PEBP4: variants seen among roughly 807,000 people sequenced by gnomAD.
PEBP4 encodes the protein phosphatidylethanolamine binding protein 4, also known as phosphatidylethanolamine-binding protein 4.
In PEBP4, 22 loss-of-function variants were observed where a neutral mutation model predicts 23.9. The observed-to-expected ratio is 0.92, with a 90% CI of 0.66 to 1.31. The LOEUF is 1.31. Among genes scored for constraint, PEBP4 ranks in the 40% most tolerant of loss-of-function variants. PEBP4 has a pLI of 0.00. For synonymous variants in PEBP4, 112 were observed against 99.3 expected (o/e 1.13, Z -0.76); for missense variants, 324 against 281.7 (o/e 1.15, Z -1.07).
chr8:22,729,048 C>T (rs1336632407), intron 4 of PEBP4, among the ~76,000 whole-genome samples: 1 of 152,230 alleles, frequency 6.6e-6, no homozygotes, highest in African/African-American at 2.4e-5. Context: ...AGTCCCCCAA[C>T]TCCCCGCATT....
chr8:22,808,950 C>T (rs1299594493), intron 4 of PEBP4, among the ~76,000 whole-genome samples: 1 of 152,212 alleles, frequency 6.6e-6, no homozygotes, highest in East Asian at 1.9e-4. Context: ...CTGATGCCCA[C>T]TGGTGGCTTC....
Position 22,713,256 on chromosome 8 carries a change from G to T in PEBP4, c.*114C>A. On this transcript the variant is annotated 3_prime_UTR_variant, in exon 7 of 7. Transcript: ENST00000256404. ...CTAGGATACAAAGCACCAAGCCCTGGATGATTTTTTTTTTATTTGGAAAAG... is the reference window on the plus strand; with the variant it reads ...CTAGGATACAAAGCACCAAGCCCTGTATGATTTTTTTTTTATTTGGAAAAG... 7.1e-7 allele frequency: 1 copy of T among 1,415,436 alleles called. No individual in the cohort carries two copies. 87.7% of individuals were successfully genotyped at this position (1,415,436 alleles called of 1,614,324 possible).
At chr8:22,795,178 T>A (rs1191278541) in intron 4 of PEBP4, among the ~76,000 whole-genome samples, 20,228 of 84,226 alleles carry the variant, frequency 0.24, 2,589 homozygotes, top group Non-Finnish European at 0.3. Context: ...TTTTTTTTTT[T>A]TTTTTTTTTT....
chr8:22,839,333 T>A (rs948809328), intron 3 of PEBP4, among the ~76,000 whole-genome samples: 1 of 151,968 alleles, frequency 6.6e-6, no homozygotes, highest in African/African-American at 2.4e-5. Context: ...AGGCAGGGGC[T>A]TTGGGGGTGG....
Position 22,813,725 on chromosome 8 carries a change from C to T in PEBP4, c.357+3912G>A, listed in dbSNP as rs541245360. On this transcript the variant is annotated intron_variant, in intron 4 of 6. Transcript: ENST00000256404. The stretch of plus-strand genomic sequence containing the variant: ...TATCTGTCAATGCTCAGTTAGAAAT[C>T]GCTCTTGCTCAATGAGAACTTTTCA... Among the ~76,000 whole-genome samples, 7 of 152,324 alleles carry T rather than the reference C, an allele frequency of 4.6e-5. No homozygotes were observed. In the South Asian group the frequency reaches 8.3e-4, roughly 18 times the overall value.
intron 3 of PEBP4, among the ~76,000 whole-genome samples, chr8:22,915,330 C>A (rs917737600): frequency 6.6e-6 from 1 of 152,174 alleles, no homozygotes; most frequent in Non-Finnish European, 1.5e-5. Flanking sequence ...CTAAACTCCA[C>A]ACCAGGGCCA....
chr8:22,816,597 C>T (rs1806744775), intron 4 of PEBP4, among the ~76,000 whole-genome samples: 1 of 152,236 alleles, frequency 6.6e-6, no homozygotes, highest in Non-Finnish European at 1.5e-5. Context: ...CACAGCAAGT[C>T]AGCAGCACAT....
At chr8:22,870,639 C>G (rs1415645675) in intron 3 of PEBP4, among the ~76,000 whole-genome samples, 1 of 152,132 alleles carries the variant, frequency 6.6e-6, no homozygotes. Flanking sequence ...AAATGCACCC[C>G]TCTGGTGGAG....
intron 3 of PEBP4, among the ~76,000 whole-genome samples, chr8:22,843,298 A>G (rs1445761281): frequency 6.6e-6 from 1 of 152,168 alleles, no homozygotes; most frequent in Non-Finnish European, 1.5e-5. Flanking sequence ...GGCCCCCACA[A>G]ATTATGTTGC....
chr8:22,849,313 C>T (rs992434080), intron 3 of PEBP4, among the ~76,000 whole-genome samples: 1 of 152,156 alleles, frequency 6.6e-6, no homozygotes, highest in African/African-American at 2.4e-5. Context: ...TAGGTGCCTT[C>T]TACTGGGAGA....
At chr8:22,761,734 T>A (rs1805510305) in intron 4 of PEBP4, among the ~76,000 whole-genome samples, 1 of 152,210 alleles carries the variant, frequency 6.6e-6, no homozygotes, top group Non-Finnish European at 1.5e-5. Context: ...TACTAAACAG[T>A]AGAGAAGTCA....
intron 3 of PEBP4, chr8:22,884,397 G>A (rs1036101024): frequency 9.2e-5 from 14 of 152,242 alleles, no homozygotes; most frequent in African/African-American, 3.4e-4. Context: ...CCACCACGAT[G>A]ATAGCACTGT....
chr8:22,769,823 A>G (rs1044991740), intron 4 of PEBP4, among the ~76,000 whole-genome samples: 4 of 152,220 alleles, frequency 2.6e-5, no homozygotes, highest in African/African-American at 9.6e-5. Flanking sequence ...AGAAAATACC[A>G]ATAACCAAAG....
At chr8:22,852,298 G>C (rs1051571356) in intron 3 of PEBP4, among the ~76,000 whole-genome samples, 5 of 152,154 alleles carry the variant, frequency 3.3e-5, no homozygotes, top group Non-Finnish European at 7.3e-5. Context: ...TGAGTTTCTT[G>C]TTCTTCTTTT....
At chr8:22,838,686 T>G (rs1807259588) in intron 3 of PEBP4, among the ~76,000 whole-genome samples, 1 of 152,274 alleles carries the variant, frequency 6.6e-6, no homozygotes, top group Non-Finnish European at 1.5e-5. Flanking sequence ...AAGCCAGAGC[T>G]GGGGCGATGC....
At chr8:22,892,765 G>A (rs796610298) in intron 3 of PEBP4, among the ~76,000 whole-genome samples, 86 of 152,256 alleles carry the variant, frequency 5.6e-4, no homozygotes, top group African/African-American at 1.9e-3. Context: ...ATGAAACAAT[G>A]GTTTCCAGAT....
At chr8:22,823,311 A>G (rs1806897730) in intron 3 of PEBP4, among the ~76,000 whole-genome samples, 3 of 151,966 alleles carry the variant, frequency 2.0e-5, no homozygotes, top group Admixed American at 6.5e-5. Flanking sequence ...TTAGGTCCCT[A>G]TTTCTTTCAG....
rs1390316064 is a variant in PEBP4, at chr8:22,743,293, CTCCCTTTGG to C, written c.358-16082_358-16074del. Among the ~76,000 whole-genome samples, 134 of 150,742 alleles carry C rather than the reference CTCCCTTTGG, an allele frequency of 8.9e-4. 1 individual carries two copies. The highest frequency in any genetic ancestry group is 3.2e-3 in the African/African-American group (127 of 40,076). ...CTCCTTCCCAGAAGCAGAAGCAGAG[CTCCCTTTGG>C]GGGAGAAACCCCCTCAGTTTCTACT... On this transcript the variant is annotated intron_variant, in intron 4 of 6. Transcript: ENST00000256404.
chr8:22,882,226 G>A (rs907238699), intron 3 of PEBP4, among the ~76,000 whole-genome samples: 2 of 152,340 alleles, frequency 1.3e-5, no homozygotes, highest in East Asian at 1.9e-4. Flanking sequence ...GGAAATCACA[G>A]CAGCTTTGCC....
Sources: gnomAD v4.1 joint callset for allele counts (sites outside exome capture counted in the v4.1 genomes callset) on GRCh38, gnomAD v4.1.1 for gene constraint, MANE v1.5 for transcripts, NCBI Gene and HGNC (gene_info 2026-07-23, HGNC 2026-07-21) for gene names.